The following PXYLP1 variants were observed in gnomAD, a reference collection of about 807,000 sequenced individuals.
The protein encoded by PXYLP1 is 2-phosphoxylose phosphatase 1, also known as acid phosphatase-like 2.
Under a neutral mutation model 37.9 loss-of-function variants are expected in PXYLP1, and 17 were observed. The ratio of observed to expected loss-of-function variants is 0.45; its 90% CI spans 0.31 to 0.67. PXYLP1 has a LOEUF of 0.67. Among genes scored for constraint, PXYLP1 ranks in the 30% least tolerant of loss-of-function variants. The pLI is 0.07. For synonymous variants in PXYLP1, 221 were observed against 232.2 expected (o/e 0.95, Z 0.44); for missense variants, 511 against 612.0 (o/e 0.84, Z 1.74).
At chr3:141,266,714 G>A (rs1344375696) in intron 2 of PXYLP1, among the ~76,000 whole-genome samples, 1 of 146,788 alleles carries the variant, frequency 6.8e-6, no homozygotes, top group African/African-American at 2.5e-5. Context: ...GAGAGACGGC[G>A]GGGGGAGAGA....
intron 4 of PXYLP1, among the ~76,000 whole-genome samples, chr3:141,283,511 C>G (rs1942002184): frequency 6.6e-6 from 1 of 152,036 alleles, no homozygotes; most frequent in South Asian, 2.1e-4. Flanking sequence ...GGGGAAAAGT[C>G]AGGAGAGCAA....
intron 4 of PXYLP1, among the ~76,000 whole-genome samples, chr3:141,284,864 G>A (rs185640783): frequency 7.9e-5 from 12 of 152,260 alleles, no homozygotes; most frequent in Admixed American, 4.6e-4. Flanking sequence ...TTAACAAACC[G>A]TATGGGAACT....
intron 1 of PXYLP1, among the ~76,000 whole-genome samples, chr3:141,251,790 C>A (rs1405924555): frequency 6.6e-6 from 1 of 152,182 alleles, no homozygotes; most frequent in East Asian, 1.9e-4. Context: ...CCTCTTCAAA[C>A]TCTGACTTTC....
At chr3:141,267,890 TCTCCCA>T (rs1162222822) in intron 2 of PXYLP1, among the ~76,000 whole-genome samples, 1 of 150,328 alleles carries the variant, frequency 6.7e-6, no homozygotes, top group Non-Finnish European at 1.5e-5. Context: ...TCTCTCCCTC[TCTCCCA>T]CCTTCCCTTT....
intron 2 of PXYLP1, among the ~76,000 whole-genome samples, chr3:141,277,286 A>G (rs1017211507): frequency 4.6e-5 from 7 of 152,016 alleles, no homozygotes; most frequent in African/African-American, 1.5e-4. Flanking sequence ...TATTATGGTG[A>G]TTAATAAATC....
intron 1 of PXYLP1, among the ~76,000 whole-genome samples, chr3:141,233,474 A>C (rs1356877099): frequency 6.6e-6 from 1 of 151,574 alleles, no homozygotes; most frequent in Admixed American, 6.6e-5. Context: ...AAAAAAAAAA[A>C]AAAAAAAAAA....
rs1288073580 is a variant in PXYLP1, at chr3:141,293,055, C to T, written c.1293C>T (p.His431=). Reference sequence around the variant, plus strand: ...ACAATGGCGTCGATGTCACATTCCACACCTCTTTCTGCCAAGACCACCACA... The same window carrying T: ...ACAATGGCGTCGATGTCACATTCCATACCTCTTTCTGCCAAGACCACCACA... ...ILYNGVDVTF[H]TSFCQDHHKR... The change falls in exon 6 of 6, where the codon CAC becomes CAT. Residue 431 remains histidine, a synonymous_variant. Coordinates refer to ENST00000286353, the MANE Select transcript of PXYLP1 (RefSeq NM_001037172.3). The T allele has an allele frequency of 1.2e-6, 2 of 1,614,122 alleles. No homozygotes were observed. The highest frequency in any genetic ancestry group is 2.7e-5 in the African/African-American group (2 of 74,934).
At chr3:141,279,124 T>A (rs1055065732) in intron 3 of PXYLP1, among the ~76,000 whole-genome samples, 1 of 152,242 alleles carries the variant, frequency 6.6e-6, no homozygotes, top group African/African-American at 2.4e-5. Context: ...AGCCTCCCGT[T>A]GTTTCCAGGA....
intron 2 of PXYLP1, among the ~76,000 whole-genome samples, chr3:141,269,027 G>A (rs990313607): frequency 6.6e-6 from 1 of 152,256 alleles, no homozygotes. Flanking sequence ...GGCAGCTCTT[G>A]TGGGATGTCC....
intron 1 of PXYLP1, chr3:141,232,205 C>G (rs1940533266): frequency 6.5e-6 from 1 of 152,994 alleles, no homozygotes; most frequent in African/African-American, 2.4e-5. Context: ...GCCCCATAGC[C>G]CCCTTCTCCC....
In PXYLP1 at chr3:141,292,907, T is replaced by C; in HGVS notation, c.1145T>C (p.Leu382Pro). The stretch of plus-strand genomic sequence containing the variant: ...CTCTACTCTGCTCATGATGTCACTC[T>C]GTCACCAGTTCTCAGTGCCTTGGGC... ...FALYSAHDVT[L>P]SPVLSALGLS... The change falls in exon 6 of 6, where the codon CTG (leucine) becomes CCG (proline). Residue 382 changes from leucine to proline, a missense_variant. Transcript: ENST00000286353. This position sits in a 1 kb window ranked among gnomAD's most constrained non-coding sequence, Gnocchi z 4.3. The C allele has an allele frequency of 6.2e-7, 1 of 1,614,222 alleles. No homozygotes were observed. The highest frequency in any genetic ancestry group is 8.5e-7 in the Non-Finnish European group (1 of 1,180,042).
At chr3:141,232,611 T>C (rs1940550755) in intron 1 of PXYLP1, among the ~76,000 whole-genome samples, 1 of 152,230 alleles carries the variant, frequency 6.6e-6, no homozygotes, top group East Asian at 1.9e-4. Context: ...CCCACGACGT[T>C]GCTTTTGCTG....
chr3:141,287,258 CTG>C lies in PXYLP1; in HGVS notation c.366-54_366-53del. On this transcript the variant is annotated intron_variant, in intron 4 of 5. Coordinates refer to ENST00000286353, the MANE Select transcript of PXYLP1 (RefSeq NM_001037172.3). ...GGATTTGGCTCGCTGAAGCTGGAAA[CTG>C]TTTGGATTCTTGTGGAGCACTCTGA... 2.5e-6 allele frequency: 4 copies of C among 1,582,080 alleles called. No individual in the cohort carries two copies. In the South Asian group the frequency reaches 3.4e-5, roughly 14 times the overall value.
At chr3:141,254,237 C>T (rs1357487362) in intron 1 of PXYLP1, among the ~76,000 whole-genome samples, 1 of 152,136 alleles carries the variant, frequency 6.6e-6, no homozygotes, top group African/African-American at 2.4e-5. Flanking sequence ...TAAAGCTAGT[C>T]CTAGGTCTTG....
chr3:141,254,808 T>C (rs896552971), intron 1 of PXYLP1, among the ~76,000 whole-genome samples: 11 of 152,226 alleles, frequency 7.2e-5, no homozygotes, highest in Non-Finnish European at 1.3e-4. Context: ...TTTTCTTTAA[T>C]ACTACCTTTC....
chr3:141,254,489 T>A (rs1340632983), intron 1 of PXYLP1, among the ~76,000 whole-genome samples: 1 of 152,188 alleles, frequency 6.6e-6, no homozygotes, highest in Non-Finnish European at 1.5e-5. Context: ...ATAACTGCTG[T>A]GAACTCACAG....
intron 1 of PXYLP1, among the ~76,000 whole-genome samples, chr3:141,232,780 A>G (rs1201769946): frequency 6.6e-6 from 1 of 152,256 alleles, no homozygotes; most frequent in Non-Finnish European, 1.5e-5. Context: ...TTCACGGTGC[A>G]GGACGTGGAG....
chr3:141,267,896 A>T (rs2311734), intron 2 of PXYLP1, among the ~76,000 whole-genome samples: 127,272 of 151,296 alleles, frequency 0.84, 53,990 homozygotes, highest in African/African-American at 0.96. Flanking sequence ...CCTCTCTCCC[A>T]CCTTCCCTTT....
Position 141,260,267 on chromosome 3 carries a change from G to C in PXYLP1, c.79+13G>C, listed in dbSNP as rs200290150. On this transcript the variant is annotated intron_variant, in intron 2 of 5. Transcript: ENST00000286353. ...AGCCTGCAGTTCTGTGAGTAGAGCC[G>C]GGCCCCGCAGGTCGTGGGAGGGTAG... The C allele has an allele frequency of 6.2e-7, 1 of 1,611,440 alleles. No individual in the cohort carries two copies. The highest frequency in any genetic ancestry group is 1.1e-5 in the South Asian group (1 of 91,062).
Sources: allele counts gnomAD v4.1 joint callset (sites outside exome capture counted in the v4.1 genomes callset), GRCh38; gene constraint gnomAD v4.1.1; non-coding constraint Gnocchi (gnomAD v3.1); transcripts MANE v1.5; gene names NCBI Gene and HGNC (gene_info 2026-07-23, HGNC 2026-07-21).